NELL1: variants seen among roughly 807,000 people sequenced by gnomAD.
NELL1 encodes neural EGFL like 1.
A neutral mutation model predicts 107.4 loss-of-function variants in NELL1; 76 were observed. The ratio of observed to expected loss-of-function variants is 0.71; its 90% CI spans 0.59 to 0.86. The LOEUF (loss-of-function observed/expected upper bound fraction) is 0.86. Ranked by LOEUF, NELL1 falls within the 40% of genes least tolerant of loss-of-function variation. NELL1 has a pLI of 0.00. For missense variants in NELL1, 1,024 were observed against 1,005.5 expected, an observed-to-expected ratio of 1.02 and a Z score of -0.25; for synonymous variants, 353 against 341.2, an observed-to-expected ratio of 1.03 and a Z score of -0.38.
At chr11:20,756,578 G>C (rs1196245959) in intron 2 of NELL1, among the ~76,000 whole-genome samples, 5 of 142,764 alleles carry the variant, frequency 3.5e-5, no homozygotes, top group Non-Finnish European at 7.5e-5. Flanking sequence ...AGCCAGGATG[G>C]TCTGGATCTC....
intron 14 of NELL1, among the ~76,000 whole-genome samples, chr11:21,347,339 A>G (rs1850705852): frequency 6.6e-6 from 1 of 152,200 alleles, no homozygotes; most frequent in Admixed American, 6.5e-5. Context: ...TTGGTGGCTC[A>G]TGCCTGTCAT....
intron 13 of NELL1, among the ~76,000 whole-genome samples, chr11:21,175,139 T>G (rs1260467307): frequency 1.3e-5 from 2 of 151,784 alleles, no homozygotes; most frequent in Non-Finnish European, 2.9e-5. Flanking sequence ...AATTCTGACC[T>G]TCTTTCATTT....
intron 4 of NELL1, among the ~76,000 whole-genome samples, chr11:20,873,456 G>A (rs1215022893): frequency 6.6e-6 from 1 of 152,190 alleles, no homozygotes; most frequent in African/African-American, 2.4e-5. Flanking sequence ...ATTATTCTGT[G>A]AAGATAAAGG....
At chr11:21,242,160 G>A (rs960249903) in intron 14 of NELL1, among the ~76,000 whole-genome samples, 13 of 152,004 alleles carry the variant, frequency 8.6e-5, no homozygotes, top group Admixed American at 8.5e-4. Flanking sequence ...GATGGTAGAT[G>A]CTGTAACAGA....
At chr11:21,018,367 C>G (rs1057150750) in intron 12 of NELL1, among the ~76,000 whole-genome samples, 1 of 152,052 alleles carries the variant, frequency 6.6e-6, no homozygotes, top group African/African-American at 2.4e-5. Context: ...CAGATTCTGT[C>G]ATCCTGTAAG....
At chr11:21,397,976 G>A (rs953673340) in intron 15 of NELL1, among the ~76,000 whole-genome samples, 1 of 151,322 alleles carries the variant, frequency 6.6e-6, no homozygotes, top group Non-Finnish European at 1.5e-5. Context: ...TGAGAAATAA[G>A]CTACCTAGTC....
intron 4 of NELL1, among the ~76,000 whole-genome samples, chr11:20,852,022 T>G (rs1354463519): frequency 6.6e-6 from 1 of 152,236 alleles, no homozygotes; most frequent in African/African-American, 2.4e-5. Context: ...AAGAGATGGA[T>G]GGCTTTTAAT....
chr11:20,697,475 A>G (rs192034211), intron 2 of NELL1, among the ~76,000 whole-genome samples: 1 of 151,520 alleles, frequency 6.6e-6, no homozygotes, highest in Non-Finnish European at 1.5e-5. Context: ...GGAAGAATAG[A>G]TAGTATCTTT....
intron 15 of NELL1, among the ~76,000 whole-genome samples, chr11:21,427,144 G>C (rs1852842738): frequency 6.6e-6 from 1 of 152,144 alleles, no homozygotes; most frequent in African/African-American, 2.4e-5. Flanking sequence ...CAAGCTGTTA[G>C]GCATCTCTGC....
At chr11:21,252,739 T>C in intron 14 of NELL1, among the ~76,000 whole-genome samples, 1 of 152,146 alleles carries the variant, frequency 6.6e-6, no homozygotes, top group East Asian at 1.9e-4. Context: ...TTTAATCTTT[T>C]AGTAGAGCTA....
chr11:20,980,541 T>C (rs770543690), intron 12 of NELL1, among the ~76,000 whole-genome samples: 2 of 152,198 alleles, frequency 1.3e-5, no homozygotes, highest in Non-Finnish European at 2.9e-5. Flanking sequence ...TTGTGGTGTA[T>C]CTCAAACTTT....
At chr11:20,763,017 C>T (rs989436490) in intron 2 of NELL1, among the ~76,000 whole-genome samples, 3 of 152,026 alleles carry the variant, frequency 2.0e-5, no homozygotes, top group African/African-American at 4.8e-5. Flanking sequence ...ACTGGAAAGA[C>T]AAAAAAGCCC....
intron 14 of NELL1, among the ~76,000 whole-genome samples, chr11:21,360,516 G>C (rs965023056): frequency 1.3e-5 from 2 of 151,912 alleles, no homozygotes; most frequent in African/African-American, 2.4e-5. Context: ...TTTGTTCTAG[G>C]GTATAGTTTA....
chr11:20,800,490 G>T (rs1269072216), intron 3 of NELL1, among the ~76,000 whole-genome samples: 2 of 131,072 alleles, frequency 1.5e-5, no homozygotes, highest in Non-Finnish European at 3.5e-5. Context: ...CTGCTTGTAT[G>T]TCTTCTTTTG....
intron 14 of NELL1, among the ~76,000 whole-genome samples, chr11:21,300,106 T>C (rs1462056147): frequency 6.6e-6 from 1 of 151,972 alleles, no homozygotes; most frequent in Non-Finnish European, 1.5e-5. Flanking sequence ...ACAAAACAGC[T>C]GTTGTGACTG....
At chr11:20,682,213 A>G (rs981015147) in intron 2 of NELL1, among the ~76,000 whole-genome samples, 2 of 152,044 alleles carry the variant, frequency 1.3e-5, no homozygotes, top group Non-Finnish European at 2.9e-5. Flanking sequence ...CTAGTGCAGT[A>G]TGGTCCAATC....
chr11:21,039,873 C>A (rs1222833026), intron 12 of NELL1, among the ~76,000 whole-genome samples: 1 of 151,988 alleles, frequency 6.6e-6, no homozygotes, highest in Non-Finnish European at 1.5e-5. Context: ...CCTTTCTTGG[C>A]TTTTGGTGTT....
intron 2 of NELL1, among the ~76,000 whole-genome samples, chr11:20,715,832 A>G (rs1178236861): frequency 6.6e-6 from 1 of 152,056 alleles, no homozygotes; most frequent in South Asian, 2.1e-4. Flanking sequence ...TGGGGCCACA[A>G]TTTAATAGGC....
chr11:20,846,786 A>G (rs1848708826), intron 3 of NELL1, among the ~76,000 whole-genome samples: 1 of 152,200 alleles, frequency 6.6e-6, no homozygotes, highest in Admixed American at 6.5e-5. Context: ...AACGTTGATG[A>G]CAATGACACA....
Sources: gnomAD v4.1 joint callset for allele counts (sites outside exome capture counted in the v4.1 genomes callset) on GRCh38, gnomAD v4.1.1 for gene constraint, MANE v1.5 for transcripts, NCBI Gene and HGNC (gene_info 2026-07-23, HGNC 2026-07-21) for gene names.